The following TLN2 variants were observed in gnomAD, a reference collection of about 807,000 sequenced individuals.
TLN2 encodes the protein talin-2.
Under a neutral mutation model 294.7 loss-of-function variants are expected in TLN2, and 118 were observed. The observed-to-expected ratio is 0.40, with a 90% CI of 0.34 to 0.47. The LOEUF (loss-of-function observed/expected upper bound fraction) is 0.47. TLN2 is among the 20% of genes least tolerant of loss of function. The pLI is 0.84. For missense variants in TLN2, 3,083 were observed against 3,282.2 expected (o/e 0.94, Z 1.48); for synonymous variants, 1,431 against 1,304.5 (o/e 1.10, Z -2.09).
At chr15:62,535,072 T>G (rs2041260967) in intron 1 of TLN2, among the ~76,000 whole-genome samples, 1 of 152,092 alleles carries the variant, frequency 6.6e-6, no homozygotes, top group Admixed American at 6.5e-5. Context: ...GAAACTTGAG[T>G]AGATTTTAGT....
chr15:62,458,059 G>C (rs1864080600), intron 1 of TLN2, among the ~76,000 whole-genome samples: 1 of 152,230 alleles, frequency 6.6e-6, no homozygotes, highest in South Asian at 2.1e-4. Flanking sequence ...ATCCACAGTT[G>C]TTGGGCCTTG....
chr15:62,760,010 G>C (rs773158070), intron 37 of TLN2, among the ~76,000 whole-genome samples: 4 of 152,224 alleles, frequency 2.6e-5, no homozygotes, highest in South Asian at 4.1e-4. Context: ...TCACTTCTAC[G>C]TGGCCAGTGC....
At chr15:62,533,388 G>C (rs1471064233) in intron 1 of TLN2, among the ~76,000 whole-genome samples, 1 of 151,986 alleles carries the variant, frequency 6.6e-6, no homozygotes, top group African/African-American at 2.4e-5. Flanking sequence ...TGGTCAGGGG[G>C]ATGTTTTCCA....
chr15:62,646,126 C>G (rs559823381), intron 3 of TLN2, among the ~76,000 whole-genome samples: 4 of 151,964 alleles, frequency 2.6e-5, no homozygotes, highest in Non-Finnish European at 5.9e-5. Context: ...TTAACCTAAA[C>G]CTGTGTCTCG....
intron 1 of TLN2, among the ~76,000 whole-genome samples, chr15:62,411,429 A>ATGTG (rs71125998): frequency 0.23 from 30,747 of 136,380 alleles, 3,700 homozygotes; most frequent in Non-Finnish European, 0.27. Context: ...TGAGTAATGG[A>ATGTG]TGTGTGTGTG....
intron 1 of TLN2, among the ~76,000 whole-genome samples, chr15:62,576,050 G>C (rs895499687): frequency 8.5e-5 from 13 of 152,158 alleles, no homozygotes; most frequent in Non-Finnish European, 1.5e-5. Flanking sequence ...GCAGGGGTCT[G>C]TGGGGTGATT....
chr15:62,454,544 T>C (rs920202889), intron 1 of TLN2, among the ~76,000 whole-genome samples: 4 of 151,956 alleles, frequency 2.6e-5, no homozygotes, highest in African/African-American at 7.3e-5. Flanking sequence ...GTCTGGTCAT[T>C]AGGGGTGGGA....
At chr15:62,440,930 C>T (rs1453843357) in intron 1 of TLN2, among the ~76,000 whole-genome samples, 1 of 152,142 alleles carries the variant, frequency 6.6e-6, no homozygotes, top group Admixed American at 6.5e-5. Flanking sequence ...CTATTTCTAT[C>T]CTGGAAAACG....
At chr15:62,686,294 G>C (rs1243433714) in intron 11 of TLN2, among the ~76,000 whole-genome samples, 2 of 152,122 alleles carry the variant, frequency 1.3e-5, no homozygotes, top group Non-Finnish European at 2.9e-5. Flanking sequence ...CACTGAGTTG[G>C]CCACTGGGAG....
chr15:62,536,014 G>A (rs2041331563), intron 1 of TLN2, among the ~76,000 whole-genome samples: 1 of 152,082 alleles, frequency 6.6e-6, no homozygotes, highest in South Asian at 2.1e-4. Context: ...TTTGCTCCTT[G>A]GAATAAACAT....
chr15:62,447,280 C>T (rs1323415724), intron 1 of TLN2, among the ~76,000 whole-genome samples: 3 of 151,980 alleles, frequency 2.0e-5, no homozygotes, highest in Non-Finnish European at 2.9e-5. Context: ...GAGGTAGTTT[C>T]GACCTGGATG....
chr15:62,710,814 C>T (rs938232702), intron 21 of TLN2, among the ~76,000 whole-genome samples: 2 of 150,618 alleles, frequency 1.3e-5, no homozygotes, highest in African/African-American at 4.9e-5. Flanking sequence ...CAAGCTCCGC[C>T]TCCCAGGTTC....
chr15:62,578,771 G>T (rs112951350), intron 1 of TLN2, among the ~76,000 whole-genome samples: 7 of 152,192 alleles, frequency 4.6e-5, no homozygotes, highest in Admixed American at 2.0e-4. Flanking sequence ...ATCAGCTCGT[G>T]AGGGAGGCCC....
chr15:62,665,459 A>C (rs1289984926), intron 9 of TLN2, among the ~76,000 whole-genome samples: 10 of 152,196 alleles, frequency 6.6e-5, no homozygotes, highest in Non-Finnish European at 1.5e-5. Flanking sequence ...CAAAAGTAAT[A>C]GGCACTGGAG....
At chr15:62,750,631 C>G in intron 34 of TLN2, 140 bp downstream of exon 34, 1 of 719,512 alleles carries the variant, frequency 1.4e-6, no homozygotes, top group East Asian at 2.6e-5. Flanking sequence ...TTGTGGAGCC[C>G]TTTGCTCAGG....
At chr15:62,443,996 T>C (rs1338903879) in intron 1 of TLN2, among the ~76,000 whole-genome samples, 1 of 152,028 alleles carries the variant, frequency 6.6e-6, no homozygotes, top group Non-Finnish European at 1.5e-5. Context: ...TCAAAACAAA[T>C]AAAGGGGAGA....
chr15:62,520,180 G>A (rs1265970591), intron 1 of TLN2, among the ~76,000 whole-genome samples: 1 of 152,192 alleles, frequency 6.6e-6, no homozygotes, highest in African/African-American at 2.4e-5. Context: ...TACAATTCAT[G>A]ATGAGATTTG....
At position 62,647,563 on chromosome 15, in the gene TLN2, T is replaced by C; in HGVS notation, c.136+117T>C. ...AGCCTATTAGTGCATATGTTTCAAA[T>C]GAAATACCTTCTTAGATCAGACACT... On this transcript the variant is annotated intron_variant, in intron 4 of 58. Transcript: ENST00000636159. The C allele has an allele frequency of 2.2e-6, 3 of 1,383,050 alleles. No individual in the cohort carries two copies. In the East Asian group the frequency reaches 6.9e-5, roughly 32 times the overall value. 85.7% of individuals were successfully genotyped at this position (1,383,050 alleles called of 1,614,324 possible).
At chr15:62,440,059 C>T (rs879655426) in intron 1 of TLN2, among the ~76,000 whole-genome samples, 17 of 152,200 alleles carry the variant, frequency 1.1e-4, no homozygotes, top group Admixed American at 7.2e-4. Context: ...GGTTTAGGCA[C>T]GTTTGTATTT....
Sources: allele counts gnomAD v4.1 joint callset (sites outside exome capture counted in the v4.1 genomes callset), GRCh38; gene constraint gnomAD v4.1.1; transcripts MANE v1.5; gene names NCBI Gene and HGNC (gene_info 2026-07-23, HGNC 2026-07-21).